Variants in PPP1R9A observed in about 807,000 individuals in gnomAD.
PPP1R9A encodes protein phosphatase 1 regulatory subunit 9A, also known as neurabin-1.
Under a neutral mutation model 141.9 loss-of-function variants are expected in PPP1R9A, and 59 were observed. The observed-to-expected ratio is 0.42, with a 90% CI of 0.34 to 0.52. PPP1R9A has a LOEUF of 0.52. Among genes scored for constraint, PPP1R9A ranks in the 20% least tolerant of loss-of-function variants. PPP1R9A has a pLI of 0.10. For synonymous variants in PPP1R9A, 500 were observed against 569.7 expected (o/e 0.88, Z 1.74); for missense variants, 1,444 against 1,611.9 (o/e 0.90, Z 1.78).
intron 2 of PPP1R9A, among the ~76,000 whole-genome samples, 188 bp from the exon 3 acceptor site, chr7:95,111,071 T>A (rs1351033810): frequency 6.6e-6 from 1 of 152,234 alleles, no homozygotes; most frequent in South Asian, 2.1e-4. Context: ...GCTTACACAT[T>A]TTAAAAATTA....
intron 5 of PPP1R9A, among the ~76,000 whole-genome samples, chr7:95,194,403 C>A (rs1441163115): frequency 6.6e-6 from 1 of 151,944 alleles, no homozygotes; most frequent in Admixed American, 6.6e-5. Flanking sequence ...CAGCAGTGAA[C>A]AAAGTGAGGA....
intron 16 of PPP1R9A, among the ~76,000 whole-genome samples, chr7:95,282,730 T>G (rs1804514148): frequency 6.6e-6 from 1 of 152,198 alleles, no homozygotes; most frequent in Non-Finnish European, 1.5e-5. Flanking sequence ...CCCAGCATGC[T>G]GATCTCAATA....
rs534940150 is a variant in PPP1R9A, at chr7:95,172,465, G to A, written c.1754+10494G>A. Among the ~76,000 whole-genome samples, 8 of 151,892 alleles carry A rather than the reference G, an allele frequency of 5.3e-5. 1 individual carries two copies. The highest frequency in any genetic ancestry group is 9.6e-5 in the African/African-American group (4 of 41,514). Reference sequence around the variant, plus strand: ...TCATGTTACAGAAGATGAAGTTGATGTGCAGAAATCAGAGTGTATATACTA... The same window carrying A: ...TCATGTTACAGAAGATGAAGTTGATATGCAGAAATCAGAGTGTATATACTA... On this transcript the variant is annotated intron_variant, in intron 5 of 19. Coordinates refer to ENST00000433360, the MANE Select transcript of PPP1R9A (RefSeq NM_001166160.2).
chr7:94,977,950 A>G (rs1371510241), intron 2 of PPP1R9A, among the ~76,000 whole-genome samples: 2 of 150,962 alleles, frequency 1.3e-5, no homozygotes, highest in African/African-American at 4.9e-5. Flanking sequence ...TTTAGTAGAG[A>G]TGGGATTTCA....
At chr7:95,257,653 C>T (rs1189979478) in intron 12 of PPP1R9A, among the ~76,000 whole-genome samples, 1 of 151,956 alleles carries the variant, frequency 6.6e-6, no homozygotes, top group Non-Finnish European at 1.5e-5. Context: ...TCTCCTAATG[C>T]TATCCCTCCC....
At chr7:95,118,398 A>G (rs2152473087) in intron 3 of PPP1R9A, among the ~76,000 whole-genome samples, 1 of 152,292 alleles carries the variant, frequency 6.6e-6, no homozygotes, top group Non-Finnish European at 1.5e-5. Context: ...TATGTTAGTC[A>G]GCATTAAAGT....
At chr7:95,223,808 A>G (rs974342455) in intron 7 of PPP1R9A, among the ~76,000 whole-genome samples, 5 of 151,972 alleles carry the variant, frequency 3.3e-5, no homozygotes, top group African/African-American at 7.2e-5. Flanking sequence ...TTTTGCTGCC[A>G]TTTGTAATGA....
chr7:95,133,516 TA>T (rs1584872316), intron 4 of PPP1R9A, among the ~76,000 whole-genome samples: 9 of 25,126 alleles, frequency 3.6e-4, no homozygotes, highest in East Asian at 0.04. Flanking sequence ...AGTCGTATTA[TA>T]TATATATATA....
intron 2 of PPP1R9A, among the ~76,000 whole-genome samples, chr7:95,015,270 A>G (rs1402873604): frequency 6.6e-6 from 1 of 151,842 alleles, no homozygotes; most frequent in South Asian, 2.1e-4. Flanking sequence ...ATACATATAC[A>G]TATATATCTG....
At chr7:94,953,568 A>G (rs187783271) in intron 2 of PPP1R9A, among the ~76,000 whole-genome samples, 3 of 152,198 alleles carry the variant, frequency 2.0e-5, no homozygotes, top group East Asian at 1.9e-4. Flanking sequence ...CATTTTCATG[A>G]TATTGATTCT....
At chr7:95,073,134 C>T (rs539191319) in intron 2 of PPP1R9A, among the ~76,000 whole-genome samples, 3 of 150,260 alleles carry the variant, frequency 2.0e-5, no homozygotes, top group African/African-American at 7.3e-5. Flanking sequence ...TATAGGCATC[C>T]ACCACCACAC....
At chr7:95,026,485 C>G (rs148882622) in intron 2 of PPP1R9A, among the ~76,000 whole-genome samples, 7 of 152,254 alleles carry the variant, frequency 4.6e-5, no homozygotes, top group Non-Finnish European at 8.8e-5. Context: ...AGATGCCAGC[C>G]GGAGCTCTCC....
chr7:94,977,766 T>C (rs992837739), intron 2 of PPP1R9A, among the ~76,000 whole-genome samples: 1 of 139,228 alleles, frequency 7.2e-6, no homozygotes, highest in African/African-American at 2.5e-5. Flanking sequence ...TTCATTTTCT[T>C]TTTTTTTTTT....
intron 7 of PPP1R9A, among the ~76,000 whole-genome samples, chr7:95,224,001 A>G (rs576325682): frequency 1.3e-5 from 2 of 151,862 alleles, no homozygotes; most frequent in African/African-American, 4.8e-5. Context: ...CAAGAATACA[A>G]AAGAAAAAAA....
rs187161580 is a variant in PPP1R9A, at chr7:95,237,744, C to T, written c.2113-9729C>T. On this transcript the variant is annotated intron_variant, in intron 8 of 19. Transcript: ENST00000433360. ...TCTTTATTTATAATATCTCTCTTGT[C>T]CTTTATGGTGCACTTTGTCCCAAAT... Among the ~76,000 whole-genome samples, 20 of 151,994 alleles carry T rather than the reference C, an allele frequency of 1.3e-4. No homozygotes were observed. In the East Asian group the frequency reaches 3.7e-3, roughly 28 times the overall value.
intron 2 of PPP1R9A, among the ~76,000 whole-genome samples, chr7:95,073,071 C>T (rs987559868): frequency 9.5e-5 from 14 of 147,316 alleles, no homozygotes; most frequent in South Asian, 2.1e-4. Context: ...CTGTGAGCTC[C>T]GCTTCCTGAG....
At chr7:94,947,261 A>G (rs1463658802) in intron 2 of PPP1R9A, among the ~76,000 whole-genome samples, 1 of 151,932 alleles carries the variant, frequency 6.6e-6, no homozygotes, top group Non-Finnish European at 1.5e-5. Flanking sequence ...AGTGCTGGAC[A>G]CTCCTTTATC....
intron 14 of PPP1R9A, among the ~76,000 whole-genome samples, chr7:95,273,432 C>T (rs1353264662): frequency 1.3e-5 from 2 of 152,144 alleles, no homozygotes; most frequent in Admixed American, 1.3e-4. Context: ...ATCTCCCAGA[C>T]TCTCAGAGGT....
intron 18 of PPP1R9A, among the ~76,000 whole-genome samples, chr7:95,287,392 C>T (rs1038191144): frequency 5.9e-5 from 9 of 152,300 alleles, no homozygotes; most frequent in Middle Eastern, 6.8e-3. Flanking sequence ...TTGACATGGT[C>T]CATTCTTCTT....
Sources: gnomAD v4.1 joint callset for allele counts (sites outside exome capture counted in the v4.1 genomes callset) on GRCh38, gnomAD v4.1.1 for gene constraint, MANE v1.5 for transcripts, NCBI Gene and HGNC (gene_info 2026-07-23, HGNC 2026-07-21) for gene names.